KCNT2: variants seen among roughly 807,000 people sequenced by gnomAD.
KCNT2 encodes the protein potassium channel subfamily T member 2.
In KCNT2, 67 loss-of-function variants were observed where a neutral mutation model predicts 153.8. The ratio of observed to expected loss-of-function variants is 0.44; its 90% CI spans 0.36 to 0.53. KCNT2 has a LOEUF of 0.53. KCNT2 is among the 20% of genes least tolerant of loss of function. KCNT2 has a pLI of 0.00. For missense variants in KCNT2, 975 were observed against 1,354.8 expected, an observed-to-expected ratio of 0.72 and a Z score of 4.40; for synonymous variants, 500 against 458.8, an observed-to-expected ratio of 1.09 and a Z score of -1.15.
At chr1:196,314,824 T>C (rs1049726942) in intron 21 of KCNT2, among the ~76,000 whole-genome samples, 1 of 151,708 alleles carries the variant, frequency 6.6e-6, no homozygotes, top group Non-Finnish European at 1.5e-5. Flanking sequence ...ATGGAAGTGA[T>C]AATTATACTG....
chr1:196,249,617 A>G (rs1224467326), intron 26 of KCNT2, among the ~76,000 whole-genome samples: 1 of 152,048 alleles, frequency 6.6e-6, no homozygotes, highest in Non-Finnish European at 1.5e-5. Context: ...TACTAAAAAT[A>G]CAAAAATTAG....
intron 8 of KCNT2, 135 bp from the exon 9 acceptor site, chr1:196,429,892 T>C (rs1673984901): frequency 3.4e-6 from 2 of 590,302 alleles, no homozygotes; most frequent in Non-Finnish European, 5.9e-6. Flanking sequence ...AATATATTTT[T>C]CTAGGAAAGA....
intron 14 of KCNT2, among the ~76,000 whole-genome samples, chr1:196,369,984 G>A (rs1668381276): frequency 6.6e-6 from 1 of 151,846 alleles, no homozygotes; most frequent in Admixed American, 6.6e-5. Flanking sequence ...CACCATCACT[G>A]GCCATCAGAG....
chr1:196,371,250 G>T (rs865813771), intron 14 of KCNT2, among the ~76,000 whole-genome samples: 17 of 61,942 alleles, frequency 2.7e-4, no homozygotes, highest in South Asian at 4.6e-4. Flanking sequence ...AAAAAAAAAA[G>T]CCTGGCATGG....
rs561944079 is a variant in KCNT2 at position 196,451,217 on chromosome 1, CTTTTTTTTTTT to C, written c.638+14065_638+14075del. On this transcript the variant is annotated intron_variant, in intron 8 of 27. Coordinates refer to ENST00000294725, the MANE Select transcript of KCNT2 (RefSeq NM_198503.5). ...GCTATATCCCTCTTAATCCCTCTTT[CTTTTTTTTTTT>C]TTTTTTTTTTTTTTTCCTTTTTCTT... Among the ~76,000 whole-genome samples, 120 of 63,558 alleles carry C rather than the reference CTTTTTTTTTTT, an allele frequency of 1.9e-3. 1 individual carries two copies. The highest frequency in any genetic ancestry group is 3.3e-3 in the Admixed American group (12 of 3,640). The allele number at this position is 63,558 out of a possible 152,430, so 41.7% of individuals were successfully genotyped here.
rs543423029 is a variant in KCNT2 at position 196,576,392 on chromosome 1, T to A, written c.95+31823A>T. Among the ~76,000 whole-genome samples the A allele has an allele frequency of 2.6e-4, 39 of 152,226 alleles. No homozygotes were observed. In the South Asian group the frequency reaches 7.2e-3, roughly 28 times the overall value. On this transcript the variant is annotated intron_variant, in intron 1 of 27. Coordinates refer to ENST00000294725, the MANE Select transcript of KCNT2 (RefSeq NM_198503.5). ...TTGAATAGATGTTTTTCTATTTGAA[T>A]CTACTGTCTCCTGAAGGACCTAAAG...
In KCNT2 at chr1:196,433,463, G is replaced by A. The variant is rs1300109237; in HGVS notation, c.639-3706C>T. On this transcript the variant is annotated intron_variant, in intron 8 of 27. Transcript: ENST00000294725. ...TAGTGGTTGCCTGGGACTGATGATG[G>A]GAATGTGGTGGTGAAAATGTTCTGA... Among the ~76,000 whole-genome samples the A allele has an allele frequency of 2.0e-5, 3 of 152,122 alleles. No homozygotes were observed. In the East Asian group the frequency reaches 5.8e-4, roughly 30 times the overall value.
At chr1:196,303,984 CTG>C (rs1661408897) in intron 22 of KCNT2, among the ~76,000 whole-genome samples, 1 of 152,160 alleles carries the variant, frequency 6.6e-6, no homozygotes, top group Non-Finnish European at 1.5e-5. Flanking sequence ...TGGAAATTTT[CTG>C]TCCTGAATAT....
intron 26 of KCNT2, among the ~76,000 whole-genome samples, chr1:196,241,205 GT>G (rs1163825546): frequency 6.6e-6 from 1 of 151,846 alleles, no homozygotes; most frequent in African/African-American, 2.4e-5. Flanking sequence ...TTTTGTTTTT[GT>G]TTTTGTTTTG....
chr1:196,371,308 AT>A (rs1668513800), intron 14 of KCNT2, among the ~76,000 whole-genome samples: 1 of 150,418 alleles, frequency 6.6e-6, no homozygotes, highest in Admixed American at 6.7e-5. Context: ...CAGTAAATCT[AT>A]AAAAGCAGAA....
At chr1:196,231,759 G>C (rs542461095) in intron 27 of KCNT2, among the ~76,000 whole-genome samples, 1 of 151,682 alleles carries the variant, frequency 6.6e-6, no homozygotes, top group Non-Finnish European at 1.5e-5. Flanking sequence ...CAAAAACAAA[G>C]GTAGGAAACA....
At chr1:196,576,006 A>G (rs1225482153) in intron 1 of KCNT2, among the ~76,000 whole-genome samples, 3 of 151,212 alleles carry the variant, frequency 2.0e-5, no homozygotes, top group Admixed American at 6.6e-5. Flanking sequence ...TGAAGAAGAG[A>G]TCATAACTAA....
intron 8 of KCNT2, among the ~76,000 whole-genome samples, chr1:196,455,061 T>C (rs1261950081): frequency 2.0e-5 from 3 of 152,012 alleles, no homozygotes; most frequent in African/African-American, 7.2e-5. Flanking sequence ...TGTGGTCTTC[T>C]TCAGCTTCAA....
chr1:196,460,224 T>G (rs929146932), intron 8 of KCNT2, among the ~76,000 whole-genome samples: 1 of 151,804 alleles, frequency 6.6e-6, no homozygotes, highest in Non-Finnish European at 1.5e-5. Context: ...AATTAAAAAG[T>G]TGCAAAAGTT....
intron 3 of KCNT2, among the ~76,000 whole-genome samples, chr1:196,484,784 T>A (rs529331539): frequency 6.6e-6 from 1 of 152,038 alleles, no homozygotes; most frequent in Non-Finnish European, 1.5e-5. Flanking sequence ...GAATAGGAGA[T>A]CCTTTTTAAA....
chr1:196,449,873 A>C (rs1366250682), intron 8 of KCNT2, among the ~76,000 whole-genome samples: 1 of 151,728 alleles, frequency 6.6e-6, no homozygotes, highest in Non-Finnish European at 1.5e-5. Flanking sequence ...TGTTTTAAAA[A>C]GATGTATGAA....
rs113333387 is a variant in KCNT2, at chr1:196,482,186, T to C, written c.324+145A>G. The C allele has an allele frequency of 4.2e-4, 251 of 603,962 alleles. 1 individual carries two copies. Among genetic ancestry groups the C allele is most frequent in the African/African-American group, 4.1e-3 (205 of 50,158 alleles). 37.4% of individuals were successfully genotyped at this position (603,962 alleles called of 1,614,324 possible). A position where few individuals can be genotyped will look rare whatever the true frequency, so the allele number is the denominator to read the frequency against. On this transcript the variant is annotated intron_variant, in intron 4 of 27. Coordinates refer to ENST00000294725, the MANE Select transcript of KCNT2 (RefSeq NM_198503.5). The stretch of plus-strand genomic sequence containing the variant: ...GCTCAGACAAACAAGAAAAAAGAAA[T>C]GAAAATGTTAGTCCAAGATGTGCAT...
At chr1:196,238,324 A>T (rs1412700957) in intron 26 of KCNT2, among the ~76,000 whole-genome samples, 2 of 151,650 alleles carry the variant, frequency 1.3e-5, no homozygotes, top group African/African-American at 2.4e-5. Flanking sequence ...TTGTGCCAAT[A>T]TTTTTTTTCT....
chr1:196,449,901 T>C (rs1457128088), intron 8 of KCNT2, among the ~76,000 whole-genome samples: 2 of 151,756 alleles, frequency 1.3e-5, no homozygotes, highest in Admixed American at 1.3e-4. Flanking sequence ...TAAGTTTGGT[T>C]GCTTGAGGGT....
Sources: allele counts gnomAD v4.1 joint callset (sites outside exome capture counted in the v4.1 genomes callset), GRCh38; gene constraint gnomAD v4.1.1; transcripts MANE v1.5; gene names NCBI Gene and HGNC (gene_info 2026-07-23, HGNC 2026-07-21).